The following UGT2B4 variants were observed in gnomAD, a reference collection of about 807,000 sequenced individuals.
UGT2B4 encodes the protein UDP-glucuronosyltransferase 2B4.
In UGT2B4, 49 loss-of-function variants were observed where a neutral mutation model predicts 49.8. The ratio of observed to expected loss-of-function variants is 0.98; its 90% CI spans 0.78 to 1.25. The LOEUF (loss-of-function observed/expected upper bound fraction) is 1.25, where lower values mean the gene tolerates loss of function less well. Among genes scored for constraint, UGT2B4 ranks in the 50% most tolerant of loss-of-function variants. The pLI, the probability that UGT2B4 is intolerant of heterozygous loss-of-function variation, is 0.00. For missense variants in UGT2B4, 729 were observed against 627.7 expected, an observed-to-expected ratio of 1.16 and a Z score of -1.73; for synonymous variants, 246 against 217.7, an observed-to-expected ratio of 1.13 and a Z score of -1.14.
In UGT2B4 at chr4:69,489,810, G is replaced by A. The variant is rs41297393; in HGVS notation, c.871-240C>T. Among the ~76,000 whole-genome samples the A allele has an allele frequency of 8.7e-3, 1,315 of 151,982 alleles. 14 individuals carry two copies. The highest frequency in any genetic ancestry group is 0.03 in the African/African-American group (1,232 of 41,448). On this transcript the variant is annotated intron_variant, in intron 2 of 5. Transcript: ENST00000305107. ...GTGTATGTGTGTGCGTTTGTGAAAG[G>A]GAGAAATGAAATAGAGTTATTACAC...
chr4:69,513,643 T>C (rs946123365), intron 1 of UGT2B4, among the ~76,000 whole-genome samples: 12 of 152,228 alleles, frequency 7.9e-5, no homozygotes, highest in African/African-American at 2.9e-4. Flanking sequence ...AAGAATAGCA[T>C]TGAATCTCTA....
In UGT2B4 at chr4:69,495,632, T is replaced by G. The variant is rs374425194; in HGVS notation, c.230A>C (p.Tyr77Ser). 5 of 1,613,874 alleles carry G rather than the reference T, an allele frequency of 3.1e-6. No homozygotes were observed. In the African/African-American group the frequency reaches 6.7e-5, roughly 22 times the overall value. ...NSPSTLKFEV[Y>S]PVSLTKTEFE... ...CTCAGTTTTAGTTAAAGATACAGGA[T>G]AAACTTCAAATTTAAGAGTAGATGG... The change falls in exon 1 of 6, where the codon TAT becomes TCT. Residue 77 changes from tyrosine (Y) to serine (S), a missense_variant. Physicochemically the swap from Tyr to Ser is moderately radical, Grantham distance 144 (BLOSUM62 -2). Coordinates refer to ENST00000305107, the MANE Select transcript of UGT2B4 (RefSeq NM_021139.3).
At chr4:69,515,523 A>G (rs1430943743) in intron 1 of UGT2B4, among the ~76,000 whole-genome samples, 2 of 152,174 alleles carry the variant, frequency 1.3e-5, no homozygotes, top group Non-Finnish European at 2.9e-5. Context: ...TGTTAGGGAA[A>G]TCTATAGCAC....
chr4:69,498,115 A>T (rs1219153257), upstream of UGT2B4, among the ~76,000 whole-genome samples: 3 of 152,250 alleles, frequency 2.0e-5, no homozygotes, highest in African/African-American at 4.8e-5. Flanking sequence ...ATACTACCAC[A>T]GAATTAATAG....
At chr4:69,485,925 T>C (rs1727767980) in intron 4 of UGT2B4, among the ~76,000 whole-genome samples, 1 of 152,034 alleles carries the variant, frequency 6.6e-6, no homozygotes, top group African/African-American at 2.4e-5. Context: ...CATGCCCAGT[T>C]AATTTTTTGT....
At chr4:69,488,479 T>C (rs1026063585) in intron 3 of UGT2B4, among the ~76,000 whole-genome samples, 1 of 152,146 alleles carries the variant, frequency 6.6e-6, no homozygotes, top group African/African-American at 2.4e-5. Flanking sequence ...TTTGGCAAAA[T>C]ATTAGCATAG....
chr4:69,490,148 A>T (rs533622595), intron 2 of UGT2B4, among the ~76,000 whole-genome samples: 2 of 152,268 alleles, frequency 1.3e-5, no homozygotes, highest in South Asian at 4.1e-4. Context: ...AGAGAAAAAA[A>T]AGTAGCTGTA....
upstream of UGT2B4, among the ~76,000 whole-genome samples, chr4:69,497,530 G>T (rs1232497013): frequency 6.6e-6 from 1 of 152,188 alleles, no homozygotes; most frequent in East Asian, 1.9e-4. Context: ...AAAGACTTCA[G>T]TGGAGGAAAT....
chr4:69,502,126 T>TTTCTTTC (rs1553896687), intron 1 of UGT2B4, among the ~76,000 whole-genome samples: 21 of 143,550 alleles, frequency 1.5e-4, no homozygotes, highest in Middle Eastern at 3.5e-3. Context: ...TCTTTCTTTC[T>TTTCTTTC]TTCTTTCTTT....
intron 1 of UGT2B4, among the ~76,000 whole-genome samples, chr4:69,512,727 T>G (rs1728637269): frequency 6.6e-6 from 1 of 151,612 alleles, no homozygotes; most frequent in Non-Finnish European, 1.5e-5. Context: ...TTTTTTTTTG[T>G]TTGTTTGTTT....
At chr4:69,498,717 C>T (rs1728227804), upstream of UGT2B4, among the ~76,000 whole-genome samples, 1 of 151,938 alleles carries the variant, frequency 6.6e-6, no homozygotes, top group South Asian at 2.1e-4. Flanking sequence ...GGTCATATCC[C>T]CTTTTATCAT....
intron 1 of UGT2B4, among the ~76,000 whole-genome samples, chr4:69,525,274 G>A (rs1436140657): frequency 6.6e-6 from 1 of 152,094 alleles, no homozygotes; most frequent in Non-Finnish European, 1.5e-5. Flanking sequence ...CTAAGTATGA[G>A]ACCATAAGGG....
chr4:69,524,125 A>T (rs374187367), intron 1 of UGT2B4, among the ~76,000 whole-genome samples: 53,301 of 151,744 alleles, frequency 0.35, 9,442 homozygotes, highest in Non-Finnish European at 0.37. Flanking sequence ...ATGCAGATTA[A>T]CTTCTTGCCA....
intron 5 of UGT2B4, among the ~76,000 whole-genome samples, chr4:69,481,837 C>T (rs1727601442): frequency 6.6e-6 from 1 of 152,168 alleles, no homozygotes; most frequent in South Asian, 2.1e-4. Context: ...TAGCCACATG[C>T]TCTGCTTCTA....
Position 69,480,514 on chromosome 4 carries a change from A to G in UGT2B4, c.*120T>C. On this transcript the variant is annotated 3_prime_UTR_variant, in exon 6 of 6. Transcript: ENST00000305107. ...AAACAAATTTTGACTTGACAAGGTAAGTTTTGAAAGATGTTTTGTCACAAG... is the reference window on the plus strand; with the variant it reads ...AAACAAATTTTGACTTGACAAGGTAGGTTTTGAAAGATGTTTTGTCACAAG... 1.4e-6 allele frequency: 2 copies of G among 1,460,566 alleles called. No homozygotes were observed. Among genetic ancestry groups the G allele is most frequent in the Non-Finnish European group, 1.8e-6 (2 of 1,090,784 alleles). The allele number at this position is 1,460,566 out of a possible 1,614,324, so 90.5% of individuals were successfully genotyped here.
chr4:69,509,816 G>A (rs1007995854), intron 1 of UGT2B4, among the ~76,000 whole-genome samples: 10 of 151,714 alleles, frequency 6.6e-5, no homozygotes, highest in Admixed American at 5.9e-4. Context: ...TTTATACACT[G>A]TTGACTGTTT....
chr4:69,513,452 C>T (rs1371647645), intron 1 of UGT2B4, among the ~76,000 whole-genome samples: 1 of 152,090 alleles, frequency 6.6e-6, no homozygotes, highest in Non-Finnish European at 1.5e-5. Flanking sequence ...TGTGTCTGCT[C>T]TTGTACCAGT....
intron 1 of UGT2B4, among the ~76,000 whole-genome samples, chr4:69,502,104 TC>T (rs1319247949): frequency 9.2e-6 from 1 of 108,700 alleles, no homozygotes; most frequent in African/African-American, 4.3e-5. Context: ...TTTCTTTCTT[TC>T]TTTCTTTCTT....
At position 69,520,673 on chromosome 4, in the gene UGT2B4, C is replaced by T. The variant is rs1016046823; in HGVS notation, c.-106+5014G>A. On this transcript the variant is annotated intron_variant, in intron 1 of 1. Transcript: ENST00000510114. ...TTGGGGCAAGGCTGACACACCAGCC[C>T]CATGACACCTCAGCCCCCTCCAGAC... Among the ~76,000 whole-genome samples the T allele has an allele frequency of 2.2e-4, 33 of 152,304 alleles. 1 individual carries two copies. The highest frequency in any genetic ancestry group is 4.0e-4 in the Non-Finnish European group (27 of 68,024).
Sources: allele counts gnomAD v4.1 joint callset (sites outside exome capture counted in the v4.1 genomes callset), GRCh38; gene constraint gnomAD v4.1.1; transcripts MANE v1.5; gene names NCBI Gene and HGNC (gene_info 2026-07-23, HGNC 2026-07-21).